The following TMEM132C variants were observed in gnomAD, a reference collection of about 807,000 sequenced individuals.
TMEM132C encodes protein phosphatase 1, regulatory subunit 152.
In TMEM132C, 29 loss-of-function variants were observed where a neutral mutation model predicts 61.4. That is an observed-to-expected ratio of 0.47 (90% CI 0.35 to 0.64). TMEM132C has a LOEUF of 0.64. Ranked by LOEUF, TMEM132C falls within the 30% of genes least tolerant of loss-of-function variation. The pLI, the probability that TMEM132C is intolerant of heterozygous loss-of-function variation, is 0.00. For missense variants in TMEM132C, 1,408 were observed against 1,476.9 expected (o/e 0.95, Z 0.76); for synonymous variants, 656 against 633.1 (o/e 1.04, Z -0.54).
At position 128,447,915 on chromosome 12, in the gene TMEM132C, A is replaced by T. The variant is rs1045814407; in HGVS notation, c.974+32295A>T. Among the ~76,000 whole-genome samples, 3 of 96,570 alleles carry T rather than the reference A, an allele frequency of 3.1e-5. No homozygotes were observed. In the East Asian group the frequency reaches 8.9e-4, roughly 29 times the overall value. 63.4% of individuals were successfully genotyped at this position (96,570 alleles called of 152,430 possible). A position where few individuals can be genotyped will look rare whatever the true frequency, so the allele number is the denominator to read the frequency against. Reference sequence around the variant, plus strand: ...CTAATTTTTTGTATTTTTAGTAGAGACGGGGTTTCACCTTGTTAGCCAGGA... The same window carrying T: ...CTAATTTTTTGTATTTTTAGTAGAGTCGGGGTTTCACCTTGTTAGCCAGGA... On this transcript the variant is annotated intron_variant, in intron 2 of 8. Transcript: ENST00000435159.
chr12:128,444,893 A>G (rs1388029789), intron 2 of TMEM132C, among the ~76,000 whole-genome samples: 1 of 152,194 alleles, frequency 6.6e-6, no homozygotes, highest in African/African-American at 2.4e-5. Context: ...CAAAGAACTC[A>G]TTAAGAAATT....
At chr12:128,662,403 TG>T (rs1954400254) in intron 4 of TMEM132C, among the ~76,000 whole-genome samples, 1 of 152,240 alleles carries the variant, frequency 6.6e-6, no homozygotes, top group South Asian at 2.1e-4. Flanking sequence ...CTAATTATTC[TG>T]GGAGTTCACA....
intron 3 of TMEM132C, among the ~76,000 whole-genome samples, chr12:128,566,631 C>A (rs1020234921): frequency 3.3e-5 from 5 of 152,154 alleles, no homozygotes; most frequent in Non-Finnish European, 7.3e-5. Context: ...CAGAGTGACG[C>A]CATCCTTACA....
chr12:128,332,190 C>T (rs964689464), intron 1 of TMEM132C, among the ~76,000 whole-genome samples: 2 of 152,090 alleles, frequency 1.3e-5, no homozygotes, highest in Admixed American at 6.5e-5. Context: ...AAGGGCTTTT[C>T]GGGGAGATGA....
At chr12:128,297,740 C>G (rs1050424350) in intron 1 of TMEM132C, among the ~76,000 whole-genome samples, 78 of 152,062 alleles carry the variant, frequency 5.1e-4, no homozygotes, top group African/African-American at 1.8e-3. Flanking sequence ...CCTTCTGACA[C>G]CCACATGATT....
At chr12:128,291,712 G>T (rs1016169206) in intron 1 of TMEM132C, among the ~76,000 whole-genome samples, 4 of 152,166 alleles carry the variant, frequency 2.6e-5, no homozygotes, top group African/African-American at 9.6e-5. Context: ...GATCCATCCT[G>T]TTTCCCCTGC....
intron 2 of TMEM132C, among the ~76,000 whole-genome samples, chr12:128,512,111 T>C (rs1872585267): frequency 6.6e-6 from 1 of 151,954 alleles, no homozygotes; most frequent in Non-Finnish European, 1.5e-5. Flanking sequence ...CTTTTTAAGG[T>C]ATGTCATTAT....
intron 1 of TMEM132C, among the ~76,000 whole-genome samples, chr12:128,310,415 T>G (rs1343630284): frequency 2.6e-5 from 4 of 152,050 alleles, no homozygotes; most frequent in Admixed American, 1.3e-4. Context: ...ACAGGAAACA[T>G]GGCACTGGCA....
At chr12:128,537,496 G>A (rs1044105977) in intron 2 of TMEM132C, among the ~76,000 whole-genome samples, 7 of 152,122 alleles carry the variant, frequency 4.6e-5, no homozygotes, top group Non-Finnish European at 1.0e-4. Flanking sequence ...CCATCTGTTG[G>A]GTAGCTTAGA....
intron 2 of TMEM132C, among the ~76,000 whole-genome samples, chr12:128,526,390 G>C (rs141323955): frequency 2.2e-3 from 332 of 152,254 alleles, no homozygotes; most frequent in African/African-American, 7.6e-3. Context: ...AGGTGGAGTG[G>C]ATGAGGCTCC....
At chr12:128,524,418 C>T (rs982040988) in intron 2 of TMEM132C, among the ~76,000 whole-genome samples, 1 of 152,188 alleles carries the variant, frequency 6.6e-6, no homozygotes, top group South Asian at 2.1e-4. Flanking sequence ...GCAGAGAGCC[C>T]TTCCCCTGCT....
At position 128,326,903 on chromosome 12, in the gene TMEM132C, A is replaced by T. The variant is rs1351070904; in HGVS notation, c.85+59416A>T. 6.7e-6 allele frequency among the ~76,000 whole-genome samples: 1 copy of T among 149,880 alleles called. No individual in the cohort carries two copies. The highest frequency in any genetic ancestry group is 1.5e-5 in the Non-Finnish European group (1 of 68,022). On this transcript the variant is annotated intron_variant, in intron 1 of 8. Transcript: ENST00000435159. This position sits in a 1 kb window ranked among gnomAD's most constrained non-coding sequence, Gnocchi z 5.6. ...TTGTTGTTAACATTGAACTTCCTTA[A>T]TTCTGGGAAGCTCAAGATTAGCCGT... is the stretch of plus-strand genomic sequence containing the variant.
rs779430768 is a variant in TMEM132C, at chr12:128,278,056, C to T, written c.85+10569C>T. ...ACTTTCAACCTCAGGTGCTCACCCCCAGGACTGTGGGATCCCTGGGCTGAG... is the reference window on the plus strand; with the variant it reads ...ACTTTCAACCTCAGGTGCTCACCCCTAGGACTGTGGGATCCCTGGGCTGAG... On this transcript the variant is annotated intron_variant, in intron 1 of 8. Transcript: ENST00000435159. The surrounding 1 kb of genome is among the most constrained non-coding windows in gnomAD (Gnocchi z 4.2). 1.3e-5 allele frequency among the ~76,000 whole-genome samples: 2 copies of T among 152,120 alleles called. No individual in the cohort carries two copies. The highest frequency in any genetic ancestry group is 2.9e-5 in the Non-Finnish European group (2 of 68,020).
intron 5 of TMEM132C, among the ~76,000 whole-genome samples, chr12:128,671,679 A>G (rs1954533725): frequency 6.6e-6 from 1 of 152,218 alleles, no homozygotes; most frequent in East Asian, 1.9e-4. Context: ...TAGACTGTCC[A>G]CTGGGCTCAG....
At chr12:128,593,714 G>A (rs923390375) in intron 3 of TMEM132C, among the ~76,000 whole-genome samples, 25 of 152,102 alleles carry the variant, frequency 1.6e-4, no homozygotes, top group African/African-American at 4.8e-4. Flanking sequence ...CCCTAATTAC[G>A]GGTCCCCATC....
intron 2 of TMEM132C, among the ~76,000 whole-genome samples, chr12:128,457,148 G>A (rs546535606): frequency 6.6e-6 from 1 of 152,244 alleles, no homozygotes; most frequent in African/African-American, 2.4e-5. Context: ...ATTGTGGAGT[G>A]AAATTGCTGC....
At position 128,375,800 on chromosome 12, in the gene TMEM132C, G is replaced by A. The variant is rs565790345; in HGVS notation, c.86-38932G>A. 1.3e-4 allele frequency among the ~76,000 whole-genome samples: 20 copies of A among 152,310 alleles called. No homozygotes were observed. The South Asian group carries it at 3.7e-3, about 28-fold the overall frequency. On this transcript the variant is annotated intron_variant, in intron 1 of 8. Transcript: ENST00000435159. ...GCACTTGAAGAAGTGTGTGTGTTGGGAGTTGGGGATGGTATGTTCCAGGGA... is the reference window on the plus strand; with the variant it reads ...GCACTTGAAGAAGTGTGTGTGTTGGAAGTTGGGGATGGTATGTTCCAGGGA...
intron 3 of TMEM132C, among the ~76,000 whole-genome samples, chr12:128,595,064 G>A (rs1469421226): frequency 1.3e-5 from 2 of 152,198 alleles, no homozygotes; most frequent in Non-Finnish European, 2.9e-5. Context: ...ATGGGTCACC[G>A]CCATCGGTGA....
intron 1 of TMEM132C, among the ~76,000 whole-genome samples, chr12:128,330,540 G>C (rs947890106): frequency 6.6e-6 from 1 of 152,218 alleles, no homozygotes; most frequent in East Asian, 1.9e-4. Context: ...GCAACAGAGC[G>C]AGACCCCATC....
Sources: gnomAD v4.1 joint callset for allele counts (sites outside exome capture counted in the v4.1 genomes callset) on GRCh38, gnomAD v4.1.1 for gene constraint, Gnocchi (gnomAD v3.1) non-coding constraint, MANE v1.5 for transcripts, NCBI Gene and HGNC (gene_info 2026-07-23, HGNC 2026-07-21) for gene names.